RPS3: variants seen among roughly 807,000 people sequenced by gnomAD.
RPS3 encodes small ribosomal subunit protein uS3.
Under a neutral mutation model 25.8 loss-of-function variants are expected in RPS3, and 2 were observed. That is an observed-to-expected ratio of 0.08 (90% CI 0.03 to 0.24). RPS3 has a LOEUF of 0.24. RPS3 is among the 10% of genes least tolerant of loss of function. RPS3 has a pLI of 1.00. For synonymous variants in RPS3, 114 were observed against 114.2 expected (o/e 1.00, Z 0.01); for missense variants, 107 against 307.1 (o/e 0.35, Z 4.87).
intron 4 of RPS3, chr11:75,403,243 CCCCAGA>C: frequency 6.6e-6 from 1 of 152,292 alleles, no homozygotes; most frequent in South Asian, 2.1e-4. Context: ...TTAATGCCAG[CCCCAGA>C]CCCACCAAAT....
At chr11:75,403,926 A>T in intron 4 of RPS3, 94 bp from the exon 5 acceptor site, 2 of 1,216,278 alleles carry the variant, frequency 1.6e-6, no homozygotes, top group Non-Finnish European at 2.3e-6. Flanking sequence ...ATTCTCCATT[A>T]AAGGAACATT....
chr11:75,410,471 G>T (rs1948344393), downstream of RPS3, among the ~76,000 whole-genome samples: 1 of 151,612 alleles, frequency 6.6e-6, no homozygotes, highest in African/African-American at 2.4e-5. Context: ...TAGATGGGAT[G>T]GCGGCTGGGC....
chr11:75,416,653 T>C (rs1220606333), intron 6 of RPS3, among the ~76,000 whole-genome samples: 1 of 152,100 alleles, frequency 6.6e-6, no homozygotes, highest in East Asian at 1.9e-4. Flanking sequence ...AGACGGGGTT[T>C]CACCATGTTG....
intron 6 of RPS3, among the ~76,000 whole-genome samples, chr11:75,419,465 A>G (rs1161131522): frequency 6.6e-6 from 1 of 151,900 alleles, no homozygotes; most frequent in Non-Finnish European, 1.5e-5. Flanking sequence ...GAGGCAGAAG[A>G]ATCTCTTGAA....
At chr11:75,409,183 T>C (rs1304490717), downstream of RPS3, among the ~76,000 whole-genome samples, 3 of 141,186 alleles carry the variant, frequency 2.1e-5, no homozygotes, top group Non-Finnish European at 3.1e-5. Flanking sequence ...TTATTATTAT[T>C]TATTTATTTA....
chr11:75,403,723 G>A (rs986646601), intron 4 of RPS3: 12 of 266,740 alleles, frequency 4.5e-5, no homozygotes, highest in African/African-American at 2.5e-4. Flanking sequence ...CATTTAATTG[G>A]CCTAGAGTAG....
At chr11:75,400,505 C>T (rs754148905) in intron 1 of RPS3, 189 bp from the exon 2 acceptor site, 2 of 816,210 alleles carry the variant, frequency 2.5e-6, no homozygotes, top group Non-Finnish European at 4.1e-6. Flanking sequence ...AAGTAATTTC[C>T]TAAAGATGAC....
chr11:75,402,808 G>A (rs545425526), intron 4 of RPS3: 6 of 169,030 alleles, frequency 3.5e-5, no homozygotes, highest in African/African-American at 1.2e-4. Flanking sequence ...AATTAGGCCT[G>A]TTACTGGGTG....
At chr11:75,410,278 G>A (rs1263578013), downstream of RPS3, among the ~76,000 whole-genome samples, 2 of 151,344 alleles carry the variant, frequency 1.3e-5, no homozygotes, top group East Asian at 2.0e-4. Flanking sequence ...CAGACGGGGC[G>A]GTTGCCAGGC....
downstream of RPS3, among the ~76,000 whole-genome samples, chr11:75,410,658 G>A (rs868433172): frequency 3.3e-5 from 5 of 152,040 alleles, no homozygotes; most frequent in African/African-American, 7.3e-5. Flanking sequence ...TGGTTGTAGC[G>A]AGCCGAGATC....
chr11:75,409,891 G>A (rs1948329163), downstream of RPS3, among the ~76,000 whole-genome samples: 2 of 149,060 alleles, frequency 1.3e-5, no homozygotes, highest in African/African-American at 4.9e-5. Context: ...GGGGCGGCCG[G>A]GCAGAGGCGC....
chr11:75,415,264 C>T (rs74636820), intron 6 of RPS3, among the ~76,000 whole-genome samples: 2,648 of 152,278 alleles, frequency 0.017, 81 homozygotes, highest in African/African-American at 0.06. Context: ...CCTTTCTGAT[C>T]CTCAGTTATC....
At chr11:75,417,108 C>T (rs762545245) in intron 6 of RPS3, among the ~76,000 whole-genome samples, 2 of 152,198 alleles carry the variant, frequency 1.3e-5, no homozygotes, top group Non-Finnish European at 2.9e-5. Context: ...GATTTCATTA[C>T]TAACCTCATT....
intron 6 of RPS3, among the ~76,000 whole-genome samples, chr11:75,420,579 GTC>G (rs748120173): frequency 1.3e-5 from 2 of 152,144 alleles, no homozygotes; most frequent in East Asian, 1.9e-4. Context: ...ACAAGGCTGA[GTC>G]TCTGTTTCCT....
At chr11:75,402,591 C>T (rs1037656612) in intron 4 of RPS3, 145 bp downstream of exon 4, 5 of 786,134 alleles carry the variant, frequency 6.4e-6, no homozygotes, top group Non-Finnish European at 9.7e-6. Context: ...AAGTCATGCC[C>T]TCACTGAACT....
At position 75,405,936 on chromosome 11, in the gene RPS3, T is replaced by G; in HGVS notation, c.*326T>G. 4.7e-6 allele frequency: 1 copy of G among 210,782 alleles called. No homozygotes were observed. Among genetic ancestry groups the G allele is most frequent in the South Asian group, 7.4e-5 (1 of 13,526 alleles). The allele number at this position is 210,782 out of a possible 1,614,324, so 13.1% of individuals were successfully genotyped here. On this transcript the variant is annotated 3_prime_UTR_variant, in exon 7 of 7. Transcript: ENST00000531188. ...TTTAGAAGAGGGATATGTTTGAGTT[T>G]TTCCTATGCATAAGGCGATCCACGT...
At chr11:75,415,975 CAAAAAAA>C (rs34006322) in intron 6 of RPS3, among the ~76,000 whole-genome samples, 2 of 54,822 alleles carry the variant, frequency 3.6e-5, no homozygotes, top group Non-Finnish European at 8.1e-5. Flanking sequence ...GATACTCTGT[CAAAAAAA>C]AAAAAAAAAA....
Position 75,415,805 on chromosome 11 carries a change from C to CAA in RPS3, c.*4-5904_*4-5903dup, listed in dbSNP as rs575409808. On this transcript the variant is annotated intron_variant, in intron 6 of 6. Transcript: ENST00000527446. ...TGGGCGGCAAAGCGAGACTCCATCT[C>CAA]AAAAAAAAAAAAAAAAAAAGCCAGG... Among the ~76,000 whole-genome samples, 106 of 62,050 alleles carry CAA rather than the reference C, an allele frequency of 1.7e-3. 3 individuals are homozygous for CAA. The highest frequency in any genetic ancestry group is 4.6e-3 in the East Asian group (11 of 2,374). 40.7% of individuals were successfully genotyped at this position (62,050 alleles called of 152,430 possible).
intron 6 of RPS3, among the ~76,000 whole-genome samples, chr11:75,412,238 AT>A (rs1306528990): frequency 6.6e-6 from 1 of 152,102 alleles, no homozygotes; most frequent in African/African-American, 2.4e-5. Flanking sequence ...TTGTGGACTG[AT>A]TTATGTCCCC....
Sources: allele counts gnomAD v4.1 joint callset (sites outside exome capture counted in the v4.1 genomes callset), GRCh38; gene constraint gnomAD v4.1.1; transcripts MANE v1.5; gene names NCBI Gene and HGNC (gene_info 2026-07-23, HGNC 2026-07-21).